The following CNTN4 variants were observed in gnomAD, a reference collection of about 807,000 sequenced individuals.
CNTN4 encodes the protein contactin 4.
CNTN4 carries 77 observed loss-of-function variants against 122.5 expected under a neutral mutation model. That is an observed-to-expected ratio of 0.63 (90% CI 0.52 to 0.76). CNTN4 has a LOEUF of 0.76. Among genes scored for constraint, CNTN4 ranks in the 30% least tolerant of loss-of-function variants. The probability of loss-of-function intolerance (pLI) is 0.00; values close to 1 mark genes in which losing one functional copy is unlikely to be tolerated. For synonymous variants in CNTN4, 512 were observed against 447.0 expected (o/e 1.15, Z -1.83); for missense variants, 1,256 against 1,259.1 (o/e 1.00, Z 0.04).
chr3:2,913,526 A>T (rs765337129), intron 12 of CNTN4, among the ~76,000 whole-genome samples: 1 of 152,222 alleles, frequency 6.6e-6, no homozygotes, highest in African/African-American at 2.4e-5. Context: ...TTAATATCAG[A>T]CAAAATAAAC....
chr3:2,985,745 T>G (rs1054483049), intron 13 of CNTN4, among the ~76,000 whole-genome samples: 3 of 152,108 alleles, frequency 2.0e-5, no homozygotes, highest in African/African-American at 7.2e-5. Context: ...GTACCTTGAT[T>G]CGGGATGACT....
rs1249991264 is a variant in CNTN4, at chr3:2,571,509, G to A, written c.6G>A (p.Arg2=). The change falls in exon 4 of 25, where the codon AGG becomes AGA. Residue 2 remains arginine, a synonymous_variant. Coordinates refer to ENST00000418658, the MANE Select transcript of CNTN4 (RefSeq NM_175607.3). The part of the protein sequence containing the change: M[R]LPWELLVLQS... The stretch of plus-strand genomic sequence containing the variant: ...TTTGACCTCGGAAACTGAAGATGAG[G>A]TTGCCATGGGAACTGCTGGTACTGC... 1.2e-6 allele frequency: 2 copies of A among 1,613,314 alleles called. No homozygotes were observed. The highest frequency in any genetic ancestry group is 2.2e-5 in the East Asian group (1 of 44,868).
chr3:2,941,228 GT>G (rs2094611921), intron 13 of CNTN4, among the ~76,000 whole-genome samples: 1 of 151,930 alleles, frequency 6.6e-6, no homozygotes, highest in Admixed American at 6.6e-5. Flanking sequence ...CTATTGGATT[GT>G]TCCTTCCAGC....
intron 4 of CNTN4, among the ~76,000 whole-genome samples, chr3:2,662,288 T>G (rs2150302179): frequency 6.6e-6 from 1 of 152,270 alleles, no homozygotes; most frequent in South Asian, 2.1e-4. Flanking sequence ...GAGGCTTAAT[T>G]TACTAGAAAT....
rs370506181 is a variant in CNTN4 at position 2,994,613 on chromosome 3, A to ATATATATATATATG, written c.1486+6142_1486+6143insATATATATATATGT. ...TTTTTTCATATATATATATATATAT[A>ATATATATATATATG]TGTGTGTATATATATATTTGTACCA... On this transcript the variant is annotated intron_variant, in intron 14 of 24. Coordinates refer to ENST00000418658, the MANE Select transcript of CNTN4 (RefSeq NM_175607.3). Among the ~76,000 whole-genome samples, 947 of 142,150 alleles carry ATATATATATATATG rather than the reference A, an allele frequency of 6.7e-3. 10 individuals carry two copies. The highest frequency in any genetic ancestry group is 0.01 in the Non-Finnish European group (659 of 64,586). The allele number at this position is 142,150 out of a possible 152,430, so 93.3% of individuals were successfully genotyped here. A position where few individuals can be genotyped will look rare whatever the true frequency, so the allele number is the denominator to read the frequency against.
chr3:2,487,598 TTAAAA>T (rs1333737887), intron 3 of CNTN4, among the ~76,000 whole-genome samples: 7 of 152,240 alleles, frequency 4.6e-5, no homozygotes, highest in Non-Finnish European at 8.8e-5. Flanking sequence ...TTCCTTCAAA[TTAAAA>T]TAAAATGTGT....
At chr3:2,747,295 G>C (rs1214549566) in intron 6 of CNTN4, among the ~76,000 whole-genome samples, 1 of 151,518 alleles carries the variant, frequency 6.6e-6, no homozygotes, top group Non-Finnish European at 1.5e-5. Flanking sequence ...TGTAGTCCCA[G>C]CTGCTCGGGA....
chr3:2,643,721 A>C (rs1288725375), intron 4 of CNTN4, among the ~76,000 whole-genome samples: 3 of 152,172 alleles, frequency 2.0e-5, no homozygotes, highest in Non-Finnish European at 2.9e-5. Context: ...GTGATGCGAT[A>C]GTCTCCATTC....
At position 2,467,683 on chromosome 3, in the gene CNTN4, A is replaced by G. The variant is rs535255261; in HGVS notation, c.-88-103733A>G. On this transcript the variant is annotated intron_variant, in intron 3 of 24. Transcript: ENST00000418658. ...GTTATGCACTAATTAATAACTTATT[A>G]TTATCAGTAATTAATTAATTAAAAA... Among the ~76,000 whole-genome samples, 197 of 152,316 alleles carry G rather than the reference A, an allele frequency of 1.3e-3. 2 individuals carry two copies. The highest frequency in any genetic ancestry group is 6.8e-3 in the Middle Eastern group (2 of 294).
At chr3:2,549,701 A>T (rs943502467) in intron 3 of CNTN4, among the ~76,000 whole-genome samples, 2 of 152,152 alleles carry the variant, frequency 1.3e-5, no homozygotes, top group South Asian at 2.1e-4. Context: ...TATCAGGATG[A>T]TGCAGGCCTC....
chr3:2,584,658 C>T (rs961530472), intron 4 of CNTN4, among the ~76,000 whole-genome samples: 25 of 139,190 alleles, frequency 1.8e-4, no homozygotes, highest in Admixed American at 1.4e-3. Context: ...GATCGTGCCA[C>T]TGTACTCCAG....
intron 6 of CNTN4, among the ~76,000 whole-genome samples, chr3:2,756,463 C>T (rs2090343566): frequency 1.3e-5 from 2 of 152,190 alleles, no homozygotes; most frequent in Non-Finnish European, 2.9e-5. Flanking sequence ...TTGGACTTCC[C>T]AGCCTCCAGA....
chr3:2,777,898 A>G (rs1378669799), intron 6 of CNTN4, among the ~76,000 whole-genome samples: 1 of 152,112 alleles, frequency 6.6e-6, no homozygotes, highest in Admixed American at 6.6e-5. Context: ...TTTGTTTCTC[A>G]GTAGACAGTA....
intron 2 of CNTN4, among the ~76,000 whole-genome samples, chr3:2,146,260 G>C (rs2035243909): frequency 1.3e-5 from 2 of 151,118 alleles, no homozygotes; most frequent in Non-Finnish European, 2.9e-5. Context: ...TAAACCTAGA[G>C]TAACTGCTGT....
intron 2 of CNTN4, among the ~76,000 whole-genome samples, chr3:2,112,240 A>C (rs1230205073): frequency 1.3e-5 from 2 of 152,166 alleles, no homozygotes; most frequent in Non-Finnish European, 2.9e-5. Flanking sequence ...CTGTAAAAGA[A>C]ATGCTGACAG....
At chr3:2,587,772 G>C (rs1306646656) in intron 4 of CNTN4, among the ~76,000 whole-genome samples, 3 of 151,962 alleles carry the variant, frequency 2.0e-5, no homozygotes, top group Non-Finnish European at 4.4e-5. Context: ...TCAATATTAT[G>C]AATTTTTTTT....
chr3:2,815,586 G>GGTGT (rs2092707518), intron 6 of CNTN4, among the ~76,000 whole-genome samples: 1 of 152,056 alleles, frequency 6.6e-6, no homozygotes, highest in Non-Finnish European at 1.5e-5. Flanking sequence ...AAAAACAGTA[G>GGTGT]ATGTTGGTGT....
intron 6 of CNTN4, among the ~76,000 whole-genome samples, chr3:2,766,604 G>A (rs2090871874): frequency 1.3e-5 from 2 of 152,126 alleles, no homozygotes; most frequent in South Asian, 2.1e-4. Context: ...GGGAAAGGTG[G>A]GAAGAGGATG....
At chr3:2,621,180 C>T (rs933617654) in intron 4 of CNTN4, among the ~76,000 whole-genome samples, 1 of 152,124 alleles carries the variant, frequency 6.6e-6, no homozygotes, top group African/African-American at 2.4e-5. Flanking sequence ...CTCGCGTCTT[C>T]CTCCTCACCT....
Sources: allele counts gnomAD v4.1 joint callset (sites outside exome capture counted in the v4.1 genomes callset), GRCh38; gene constraint gnomAD v4.1.1; transcripts MANE v1.5; gene names NCBI Gene and HGNC (gene_info 2026-07-23, HGNC 2026-07-21).